The following SEPTIN10 variants were observed in gnomAD, a reference collection of about 807,000 sequenced individuals.
SEPTIN10 encodes septin-10.
In SEPTIN10, 66 loss-of-function variants were observed where a neutral mutation model predicts 54.8. The ratio of observed to expected loss-of-function variants is 1.21; its 90% CI spans 0.99 to 1.48. The LOEUF (loss-of-function observed/expected upper bound fraction) is 1.48. Among genes scored for constraint, SEPTIN10 ranks in the 40% most tolerant of loss-of-function variants. The probability of loss-of-function intolerance (pLI) is 0.00; values close to 1 mark genes in which losing one functional copy is unlikely to be tolerated. For missense variants in SEPTIN10, 620 were observed against 545.6 expected (o/e 1.14, Z -1.36); for synonymous variants, 161 against 181.0 (o/e 0.89, Z 0.89).
chr2:109,585,769 C>A lies in SEPTIN10; in HGVS notation c.169G>T (p.Val57Leu). ...VGFESLPDQL[V>L]NRSIQQGFCF... Reference sequence around the variant, plus strand: ...AAACCTTGCTGAATGGATCTGTTCACCAGCTGATCAGGCAAACTCTCAAAA... The same window carrying A: ...AAACCTTGCTGAATGGATCTGTTCAACAGCTGATCAGGCAAACTCTCAAAA... Residue 57 changes from valine to leucine, a missense_variant, in exon 3 of 11, where the codon GTG becomes TTG. Coordinates refer to ENST00000397712, the MANE Select transcript of SEPTIN10 (RefSeq NM_144710.5). 6.2e-7 allele frequency: 1 copy of A among 1,613,920 alleles called. No homozygotes were observed. Among genetic ancestry groups the A allele is most frequent in the Non-Finnish European group, 8.5e-7 (1 of 1,179,950 alleles).
intron 8 of SEPTIN10, among the ~76,000 whole-genome samples, chr2:109,560,453 G>A (rs1685406233): frequency 6.6e-6 from 1 of 152,008 alleles, no homozygotes; most frequent in African/African-American, 2.4e-5. Context: ...AAATACTAAA[G>A]GGACTCAAGG....
At chr2:109,603,977 C>T (rs994015091) in intron 1 of SEPTIN10, among the ~76,000 whole-genome samples, 8 of 150,386 alleles carry the variant, frequency 5.3e-5, no homozygotes, top group East Asian at 2.0e-4. Context: ...CTGGCTAACA[C>T]GGTGAAACCC....
intron 1 of SEPTIN10, among the ~76,000 whole-genome samples, chr2:109,596,337 C>T (rs1446955070): frequency 6.6e-6 from 1 of 151,866 alleles, no homozygotes; most frequent in African/African-American, 2.4e-5. Flanking sequence ...GGCTTTAGGC[C>T]AGGCATGGTG....
intron 10 of SEPTIN10, 148 bp from the exon 11 acceptor site, chr2:109,544,472 C>T (rs1680672327): frequency 7.3e-7 from 1 of 1,373,290 alleles, no homozygotes; most frequent in Non-Finnish European, 9.3e-7. Context: ...ACCATATTTT[C>T]TTGAAGATAA....
At chr2:109,584,461 C>T (rs900776566) in intron 4 of SEPTIN10, among the ~76,000 whole-genome samples, 4 of 111,370 alleles carry the variant, frequency 3.6e-5, no homozygotes, top group East Asian at 2.5e-4. Flanking sequence ...GGTGACAGAG[C>T]GAGACTCTGT....
intron 2 of SEPTIN10, among the ~76,000 whole-genome samples, chr2:109,591,674 A>AC (rs1411595022): frequency 1.3e-5 from 2 of 152,294 alleles, no homozygotes; most frequent in African/African-American, 2.4e-5. Context: ...AGGCAGATGG[A>AC]TCACTTGAGG....
chr2:109,558,113 A>C lies in SEPTIN10; in HGVS notation c.1029-4894T>G, dbSNP rs142077772. ...GGCCTGACATGAATATTTAATGCCA[A>C]CATACTACTGTTGTTGCAAATCTCA... On this transcript the variant is annotated intron_variant, in intron 8 of 10. Transcript: ENST00000397712. 1.8e-3 allele frequency among the ~76,000 whole-genome samples: 267 copies of C among 152,334 alleles called. 1 individual carries two copies. The South Asian group carries it at 0.022, about 13-fold the overall frequency.
At chr2:109,602,965 GA>G (rs1257049887) in intron 1 of SEPTIN10, among the ~76,000 whole-genome samples, 1 of 151,196 alleles carries the variant, frequency 6.6e-6, no homozygotes, top group Non-Finnish European at 1.5e-5. Context: ...CTGATACTTG[GA>G]AGACTGAGGC....
intron 2 of SEPTIN10, among the ~76,000 whole-genome samples, chr2:109,588,463 T>C (rs1208080000): frequency 6.6e-6 from 1 of 152,156 alleles, no homozygotes; most frequent in South Asian, 2.1e-4. Flanking sequence ...AATATTGTTA[T>C]AAGGTTTCTA....
chr2:109,580,860 G>A (rs116787618), intron 4 of SEPTIN10, among the ~76,000 whole-genome samples: 5 of 152,312 alleles, frequency 3.3e-5, no homozygotes, highest in African/African-American at 7.2e-5. Flanking sequence ...CGGGCAGAGC[G>A]CAAAGACAGC....
chr2:109,557,406 C>T lies in SEPTIN10; in HGVS notation c.1029-4187G>A, dbSNP rs1684628622. ...CCCACAGCAACCCTGAAGAACAAGCCCTGACATTCTAAATAAGAAAACTAA... is the reference window on the plus strand; with the variant it reads ...CCCACAGCAACCCTGAAGAACAAGCTCTGACATTCTAAATAAGAAAACTAA... On this transcript the variant is annotated intron_variant, in intron 8 of 10. Coordinates refer to ENST00000397712, the MANE Select transcript of SEPTIN10 (RefSeq NM_144710.5). Among the ~76,000 whole-genome samples, 6 of 152,052 alleles carry T rather than the reference C, an allele frequency of 3.9e-5. No individual in the cohort carries two copies. In the South Asian group the frequency reaches 1.2e-3, roughly 32 times the overall value.
chr2:109,561,190 T>C (rs528371499), intron 8 of SEPTIN10, among the ~76,000 whole-genome samples: 1 of 152,322 alleles, frequency 6.6e-6, no homozygotes, highest in South Asian at 2.1e-4. Context: ...TGCAGTGAAC[T>C]GATCTTCTTC....
Position 109,593,031 on chromosome 2 carries a change from T to G in SEPTIN10, c.99+20A>C. The G allele has an allele frequency of 2.0e-6, 3 of 1,516,950 alleles. No homozygotes were observed. The South Asian group carries it at 4.0e-5, about 20-fold the overall frequency. 94.0% of individuals were successfully genotyped at this position (1,516,950 alleles called of 1,614,324 possible). ...AGCATTTAGAGTACAATATGGTATC[T>G]ATTTAAAAGACATACTCACTATCTG... is the stretch of plus-strand genomic sequence containing the variant. On this transcript the variant is annotated intron_variant, in intron 2 of 10. Coordinates refer to ENST00000397712, the MANE Select transcript of SEPTIN10 (RefSeq NM_144710.5).
chr2:109,581,415 C>T (rs937972220), intron 4 of SEPTIN10, among the ~76,000 whole-genome samples: 6 of 149,604 alleles, frequency 4.0e-5, no homozygotes, highest in Admixed American at 2.0e-4. Flanking sequence ...CCTGCCTAGG[C>T]GACAGAGTGA....
At chr2:109,545,072 G>C in intron 10 of SEPTIN10, 1 of 985,364 alleles carries the variant, frequency 1.0e-6, no homozygotes, top group Non-Finnish European at 1.2e-6. Context: ...AAGTTGAGTT[G>C]CAATATTCTG....
In SEPTIN10 at chr2:109,553,042, AC is replaced by A. The variant is rs780846237; in HGVS notation, c.1161+44del. The A allele has an allele frequency of 2.5e-6, 4 of 1,589,498 alleles. No individual in the cohort carries two copies. In the South Asian group the frequency reaches 3.5e-5, roughly 14 times the overall value. ...GGAATAAATCCTCCAAATTAATAGG[AC>A]ATCTAAAAAATAAATGCAAATCACA... On this transcript the variant is annotated intron_variant, in intron 9 of 10. Transcript: ENST00000397712.
At chr2:109,571,320 A>G (rs1688335569) in intron 5 of SEPTIN10, among the ~76,000 whole-genome samples, 3 of 152,208 alleles carry the variant, frequency 2.0e-5, no homozygotes, top group Admixed American at 2.0e-4. Flanking sequence ...CGATAGAAAT[A>G]TGATCTTAGG....
chr2:109,612,229 T>C (rs1325073203), intron 1 of SEPTIN10, among the ~76,000 whole-genome samples: 2 of 151,838 alleles, frequency 1.3e-5, no homozygotes, highest in East Asian at 3.9e-4. Flanking sequence ...AACTGGGTGA[T>C]TCCATTATAT....
chr2:109,594,204 C>G (rs1016618504), intron 1 of SEPTIN10, among the ~76,000 whole-genome samples: 1 of 152,082 alleles, frequency 6.6e-6, no homozygotes, highest in Non-Finnish European at 1.5e-5. Context: ...TATCCTACTT[C>G]TGAATACAGC....
Sources: allele counts gnomAD v4.1 joint callset (sites outside exome capture counted in the v4.1 genomes callset), GRCh38; gene constraint gnomAD v4.1.1; transcripts MANE v1.5; gene names NCBI Gene and HGNC (gene_info 2026-07-23, HGNC 2026-07-21).